HSPG2: variants seen among roughly 807,000 people sequenced by gnomAD.
HSPG2 encodes heparan sulfate proteoglycan 2, also known as basement membrane-specific heparan sulfate proteoglycan core protein.
HSPG2 carries 278 observed loss-of-function variants against 526.6 expected under a neutral mutation model. The observed-to-expected ratio is 0.53, with a 90% CI of 0.48 to 0.58. HSPG2 has a LOEUF of 0.58. Ranked by LOEUF, HSPG2 falls within the 20% of genes least tolerant of loss-of-function variation. The pLI is 0.00. For missense variants in HSPG2, 5,354 were observed against 6,099.5 expected (o/e 0.88, Z 4.07); for synonymous variants, 2,465 against 2,555.4 (o/e 0.96, Z 1.07).
rs2097961190 is a variant in HSPG2 at position 21,824,147 on chromosome 1, G to A, written c.12873C>T (p.Gly4291=). The change falls in exon 95 of 97, where the codon GGC becomes GGT. Residue 4291 remains glycine, a synonymous_variant. Transcript: ENST00000374695. This position sits in a 1 kb window ranked among gnomAD's most constrained non-coding sequence, Gnocchi z 5.9. ...GCAGTGCTGTCACCCGGTGCCACTC[G>A]CCGTCATTGATGGGGTCCTCAGAGA... ...RLVSEDPIND[G]EWHRVTALRE... 2.5e-6 allele frequency: 4 copies of A among 1,613,504 alleles called. No homozygotes were observed. The highest frequency in any genetic ancestry group is 2.5e-6 in the Non-Finnish European group (3 of 1,180,004).
chr1:21,824,647 G>A lies in HSPG2; in HGVS notation c.12666-32C>T. On this transcript the variant is annotated intron_variant, in intron 92 of 96. Coordinates refer to ENST00000374695, the MANE Select transcript of HSPG2 (RefSeq NM_005529.7). The surrounding 1 kb of genome is among the most constrained non-coding windows in gnomAD (Gnocchi z 5.9). ...AGGAAGAGCGGGTGAGGGGACAGAA[G>A]TCCCAGATTCCCATCCTCCCCATTA... is the stretch of plus-strand genomic sequence containing the variant. 1 of 1,613,826 alleles carries A rather than the reference G, an allele frequency of 6.2e-7. No homozygotes were observed. The highest frequency in any genetic ancestry group is 8.5e-7 in the Non-Finnish European group (1 of 1,179,840).
chr1:21,862,385 G>A (rs1639858943), intron 37 of HSPG2, among the ~76,000 whole-genome samples: 1 of 151,064 alleles, frequency 6.6e-6, no homozygotes, highest in Non-Finnish European at 1.5e-5. Flanking sequence ...GGAGTTCAAG[G>A]CCAACTGGCT....
At chr1:21,908,794 C>T (rs546027167) in intron 1 of HSPG2, among the ~76,000 whole-genome samples, 9 of 152,072 alleles carry the variant, frequency 5.9e-5, no homozygotes, top group Admixed American at 1.3e-4. Context: ...AGGCTGTGTC[C>T]CACCTGCAAA....
chr1:21,851,277 C>G, intron 55 of HSPG2: 1 of 534,036 alleles, frequency 1.9e-6, no homozygotes, highest in East Asian at 3.4e-5. Context: ...CCGGCTGGTA[C>G]GTACCATTGT....
At position 21,848,608 on chromosome 1, in the gene HSPG2, C is replaced by T. The variant is rs979005885; in HGVS notation, c.7737+35G>A. The T allele has an allele frequency of 6.2e-7, 1 of 1,611,804 alleles. No homozygotes were observed. Among genetic ancestry groups the T allele is most frequent in the African/African-American group, 1.3e-5 (1 of 74,824 alleles). On this transcript the variant is annotated intron_variant, in intron 59 of 96. Coordinates refer to ENST00000374695, the MANE Select transcript of HSPG2 (RefSeq NM_005529.7). The surrounding 1 kb of genome is among the most constrained non-coding windows in gnomAD (Gnocchi z 4.9). Reference sequence around the variant, plus strand: ...CTCTTCCCATTGGGGGCTGGTGTGCCCTGCTTTTGCCCTCCCCACCTGCTG... The same window carrying T: ...CTCTTCCCATTGGGGGCTGGTGTGCTCTGCTTTTGCCCTCCCCACCTGCTG...
chr1:21,867,020 T>C (rs1640278226), intron 33 of HSPG2, among the ~76,000 whole-genome samples: 2 of 152,206 alleles, frequency 1.3e-5, no homozygotes, highest in Admixed American at 6.5e-5. Context: ...TTCTGGCAAG[T>C]TGCAGGTGTG....
Position 21,829,230 on chromosome 1 carries a change from T to C in HSPG2, c.11993-151A>G, listed in dbSNP as rs7518070. ...CCCATGGCTCAGAGAGGGCTAGGGA[T>C]TGGCCTCAAGTGACACAGAGACGAA... On this transcript the variant is annotated intron_variant, in intron 87 of 96. Coordinates refer to ENST00000374695, the MANE Select transcript of HSPG2 (RefSeq NM_005529.7). The C allele has an allele frequency of 0.79, 1,091,581 of 1,373,174 alleles. 434,723 individuals are homozygous for C. The highest frequency in any genetic ancestry group is 0.83 in the Middle Eastern group (3,522 of 4,220). The allele number at this position is 1,373,174 out of a possible 1,614,324, so 85.1% of individuals were successfully genotyped here.
rs1170683277 is a variant in HSPG2, at chr1:21,858,337, C to T, written c.5294-952G>A. 6.6e-6 allele frequency among the ~76,000 whole-genome samples: 1 copy of T among 152,220 alleles called. No individual in the cohort carries two copies. The highest frequency in any genetic ancestry group is 1.5e-5 in the Non-Finnish European group (1 of 68,036). ...TCTTCCTGCCTCATGGCTGCACTCT[C>T]TCAGGCTCTTCCTGCCCTTCCTCTT... On this transcript the variant is annotated intron_variant, in intron 42 of 96. Coordinates refer to ENST00000374695, the MANE Select transcript of HSPG2 (RefSeq NM_005529.7). This position sits in a 1 kb window ranked among gnomAD's most constrained non-coding sequence, Gnocchi z 4.2.
chr1:21,880,313 TCTATCCTTG>T, intron 16 of HSPG2, 41 bp downstream of exon 16: 1 of 1,613,826 alleles, frequency 6.2e-7, no homozygotes. Flanking sequence ...CCGTTTCTCC[TCTATCCTTG>T]CTAGGGTCTC....
At position 21,865,594 on chromosome 1, in the gene HSPG2, A is replaced by G; in HGVS notation, c.4314+123T>C. 2.2e-5 allele frequency: 21 copies of G among 949,874 alleles called. No homozygotes were observed. The highest frequency in any genetic ancestry group is 3.4e-5 in the Non-Finnish European group (20 of 582,584). The allele number at this position is 949,874 out of a possible 1,614,324, so 58.8% of individuals were successfully genotyped here. A position where few individuals can be genotyped will look rare whatever the true frequency, so the allele number is the denominator to read the frequency against. ...GGCAGGGATGTGGGGGCATGGGCCT[A>G]ACTCCCCCAGCCTGTGCCAGAAAAC... is the stretch of plus-strand genomic sequence containing the variant. On this transcript the variant is annotated intron_variant, in intron 34 of 96. Coordinates refer to ENST00000374695, the MANE Select transcript of HSPG2 (RefSeq NM_005529.7). The surrounding 1 kb of genome is among the most constrained non-coding windows in gnomAD (Gnocchi z 5.4).
At chr1:21,903,407 C>G (rs1643202570) in intron 1 of HSPG2, among the ~76,000 whole-genome samples, 1 of 152,158 alleles carries the variant, frequency 6.6e-6, no homozygotes, top group African/African-American at 2.4e-5. Context: ...TCGAGACTAG[C>G]CTGGCCAACA....
chr1:21,878,756 G>T, intron 18 of HSPG2, 93 bp from the exon 19 acceptor site: 2 of 1,325,888 alleles, frequency 1.5e-6, no homozygotes, highest in South Asian at 1.2e-5. Context: ...CACAGACACA[G>T]TGTGCCACGA....
Position 21,872,877 on chromosome 1 carries a change from TCCCCCATGCCCTGC to T in HSPG2, c.3888+106_3889-118del, listed in dbSNP as rs757842598. ...GCAGCCCCGGGCAGCCCCTGCCCTG[TCCCCCATGCCCTGC>T]CCCCCATGCCCAGGTCTCGGCTTCC... On this transcript the variant is annotated intron_variant, in intron 31 of 96. Coordinates refer to ENST00000374695, the MANE Select transcript of HSPG2 (RefSeq NM_005529.7). The surrounding 1 kb of genome is among the most constrained non-coding windows in gnomAD (Gnocchi z 5.5). The T allele has an allele frequency of 5.2e-6, 8 of 1,524,968 alleles. No individual in the cohort carries two copies. Among genetic ancestry groups the T allele is most frequent in the African/African-American group, 2.7e-5 (2 of 73,310 alleles). The allele number at this position is 1,524,968 out of a possible 1,614,324, so 94.5% of individuals were successfully genotyped here.
rs1412457967 is a variant in HSPG2 at position 21,895,065 on chromosome 1, C to A, written c.244+857G>T. 6.6e-6 allele frequency among the ~76,000 whole-genome samples: 1 copy of A among 152,224 alleles called. No homozygotes were observed. Among genetic ancestry groups the A allele is most frequent in the Non-Finnish European group, 1.5e-5 (1 of 68,038 alleles). Reference sequence around the variant, plus strand: ...TCAGCTAAAGGGAGGTGACTCCACCCCTGAAGTAGGCCCAGGCCAGATTTG... The same window carrying A: ...TCAGCTAAAGGGAGGTGACTCCACCACTGAAGTAGGCCCAGGCCAGATTTG... On this transcript the variant is annotated intron_variant, in intron 3 of 96. Transcript: ENST00000374695. This position sits in a 1 kb window ranked among gnomAD's most constrained non-coding sequence, Gnocchi z 4.1.
intron 33 of HSPG2, chr1:21,870,137 G>T: frequency 1.7e-6 from 1 of 604,814 alleles, no homozygotes; most frequent in Non-Finnish European, 2.1e-6. Context: ...TCGCTCAGGT[G>T]CCTGCCTGGA....
chr1:21,877,103 T>C (rs563131836), intron 21 of HSPG2, among the ~76,000 whole-genome samples: 1 of 149,392 alleles, frequency 6.7e-6, no homozygotes, highest in Non-Finnish European at 1.5e-5. Flanking sequence ...AAAGAGCACA[T>C]GTATGAGGCG....
chr1:21,875,009 G>A lies in HSPG2; in HGVS notation c.3303-7C>T, dbSNP rs373330301. On this transcript the variant is annotated splice_region_variant and splice_polypyrimidine_tract_variant and intron_variant, in intron 25 of 96. Coordinates refer to ENST00000374695, the MANE Select transcript of HSPG2 (RefSeq NM_005529.7). The stretch of plus-strand genomic sequence containing the variant: ...CATGCTGATGCCAGAGACCCTGGGC[G>A]TGACAAGACCCAGCGTGAATAGGAG... The A allele has an allele frequency of 4.2e-4, 663 of 1,582,070 alleles. 1 individual carries two copies. Among genetic ancestry groups the A allele is most frequent in the Non-Finnish European group, 5.3e-4 (611 of 1,161,038 alleles).
intron 25 of HSPG2, 28 bp from the exon 26 acceptor site, chr1:21,875,030 A>G (rs1038824919): frequency 6.6e-7 from 1 of 1,514,314 alleles, no homozygotes; most frequent in African/African-American, 1.4e-5. Flanking sequence ...CAGCGTGAAT[A>G]GGAGTGCTGG....
chr1:21,833,180 C>G, intron 80 of HSPG2, 88 bp downstream of exon 80: 1 of 1,098,234 alleles, frequency 9.1e-7, no homozygotes, highest in Non-Finnish European at 1.4e-6. Context: ...GACTGAGGGG[C>G]AGCCAGGGCT....
Sources: gnomAD v4.1 joint callset for allele counts (sites outside exome capture counted in the v4.1 genomes callset) on GRCh38, gnomAD v4.1.1 for gene constraint, Gnocchi (gnomAD v3.1) non-coding constraint, MANE v1.5 for transcripts, NCBI Gene and HGNC (gene_info 2026-07-23, HGNC 2026-07-21) for gene names.